HTR2C: variants seen among roughly 807,000 people sequenced by gnomAD.
HTR2C encodes 5-hydroxytryptamine (serotonin) receptor 2C, G protein-coupled.
A neutral mutation model predicts 21.0 loss-of-function variants in HTR2C; 5 were observed. That is an observed-to-expected ratio of 0.24 (90% CI 0.12 to 0.50). The LOEUF is 0.50. Among genes scored for constraint, HTR2C ranks in the 20% least tolerant of loss-of-function variants. The probability of loss-of-function intolerance (pLI) is 0.98; values close to 1 mark genes in which losing one functional copy is unlikely to be tolerated. For missense variants in HTR2C, 271 were observed against 371.2 expected, an observed-to-expected ratio of 0.73 and a Z score of 2.22; for synonymous variants, 150 against 145.3, an observed-to-expected ratio of 1.03 and a Z score of -0.23.
At position 114,807,140 on chromosome X, in the gene HTR2C, T is replaced by TAC. The variant is rs797035926; in HGVS notation, c.350-40862_350-40861dup. On this transcript the variant is annotated intron_variant, in intron 4 of 5. Transcript: ENST00000276198. ...ATATACCATATATACACCATATATA[T>TAC]ACCATATATACACCATATATATACC... 6.1e-3 allele frequency among the ~76,000 whole-genome samples: 56 copies of TAC among 9,141 alleles called. 18 individuals are homozygous for TAC. Among genetic ancestry groups the TAC allele is most frequent in the Admixed American group, 0.01 (6 of 596 alleles). The allele number at this position is 9,141 out of a possible 115,157, so 7.9% of individuals were successfully genotyped here. A position where few individuals can be genotyped will look rare whatever the true frequency, so the allele number is the denominator to read the frequency against.
intron 4 of HTR2C, among the ~76,000 whole-genome samples, chrX:114,777,524 C>G (rs1473544533): frequency 1.8e-5 from 2 of 111,885 alleles, no homozygotes; most frequent in Admixed American, 9.5e-5. Context: ...TCAACATCAG[C>G]TTTGAATAAC....
rs191572657 is a variant in HTR2C at position 114,866,357 on chromosome X, G to T, written c.550+18154G>T. ...TTTAGCTGTAATATTTGCTTCTAAG[G>T]TTTAATTATATATATATATATTTAA... is the stretch of plus-strand genomic sequence containing the variant. On this transcript the variant is annotated intron_variant, in intron 5 of 5. Coordinates refer to ENST00000276198, the MANE Select transcript of HTR2C (RefSeq NM_000868.4). Among the ~76,000 whole-genome samples, 793 of 108,311 alleles carry T rather than the reference G, an allele frequency of 7.3e-3. 6 individuals are homozygous for T. The highest frequency in any genetic ancestry group is 0.012 in the Non-Finnish European group (607 of 52,336). 94.1% of individuals were successfully genotyped at this position (108,311 alleles called of 115,157 possible). A position where few individuals can be genotyped will look rare whatever the true frequency, so the allele number is the denominator to read the frequency against.
intron 4 of HTR2C, among the ~76,000 whole-genome samples, chrX:114,791,600 T>A (rs1030127777): frequency 1.8e-5 from 2 of 111,565 alleles, no homozygotes; most frequent in Non-Finnish European, 1.9e-5. Flanking sequence ...AGCCAAATTT[T>A]CTTCAATATT....
chrX:114,850,575 G>A (rs1016692034), intron 5 of HTR2C, among the ~76,000 whole-genome samples: 41 of 111,488 alleles, frequency 3.7e-4, no homozygotes, highest in African/African-American at 4.9e-4. Context: ...GTTGAGGCAG[G>A]AGCATCACTT....
At chrX:114,787,389 G>A (rs188539858) in intron 4 of HTR2C, among the ~76,000 whole-genome samples, 2 of 111,724 alleles carry the variant, frequency 1.8e-5, no homozygotes, top group Non-Finnish European at 3.8e-5. Flanking sequence ...GAACACAGAG[G>A]AGTATGAAAA....
At chrX:114,847,323 A>C (rs1028345817) in intron 4 of HTR2C, among the ~76,000 whole-genome samples, 4 of 104,029 alleles carry the variant, frequency 3.8e-5, no homozygotes, top group Non-Finnish European at 7.9e-5. Context: ...CATTCTCAGT[A>C]AACTATCGCA....
At chrX:114,692,470 T>C (rs1932134770) in intron 2 of HTR2C, among the ~76,000 whole-genome samples, 1 of 111,725 alleles carries the variant, frequency 9.0e-6, no homozygotes, top group African/African-American at 3.2e-5. Flanking sequence ...ATTAGAAGAT[T>C]TAAGTATTCA....
chrX:114,630,807 A>G (rs1046332778), intron 2 of HTR2C: 1 of 369,211 alleles, frequency 2.7e-6, no homozygotes, highest in Non-Finnish European at 5.3e-6. Flanking sequence ...CAGCACTGCC[A>G]AGTGACCCAT....
intron 5 of HTR2C, among the ~76,000 whole-genome samples, chrX:114,858,975 T>C (rs1361998523): frequency 9.0e-6 from 1 of 111,382 alleles, no homozygotes; most frequent in Non-Finnish European, 1.9e-5. Context: ...GTAAATTGTA[T>C]ACATTTTTGA....
chrX:114,630,351 A>G (rs782618098), intron 2 of HTR2C, among the ~76,000 whole-genome samples: 1 of 112,188 alleles, frequency 8.9e-6, no homozygotes, highest in South Asian at 3.7e-4. Context: ...ACAAATGGTA[A>G]TTTGAAAAAA....
chrX:114,773,015 G>A (rs1186255048), intron 4 of HTR2C, among the ~76,000 whole-genome samples: 1 of 111,790 alleles, frequency 8.9e-6, no homozygotes, highest in Non-Finnish European at 1.9e-5. Flanking sequence ...TGTGAAATGA[G>A]AGGACTGGGT....
At position 114,848,131 on chromosome X, in the gene HTR2C, A is replaced by G. The variant is rs781938388; in HGVS notation, c.478A>G (p.Ile160Val). Residue 160 changes from isoleucine (I) to valine (V), a missense_variant, in exon 5 of 6, where the codon ATT becomes GTT. Physicochemically the swap from Ile to Val is conservative, Grantham distance 29. Coordinates refer to ENST00000276198, the MANE Select transcript of HTR2C (RefSeq NM_000868.4). The part of the protein sequence containing the change: ...LDRYVAIRNP[I>V]EHSRFNSRTK... Reference sequence around the variant, plus strand: ...TCGGTATGTAGCAATACGTAATCCTATTGAGCATAGCCGTTTCAATTCGCG... The same window carrying G: ...TCGGTATGTAGCAATACGTAATCCTGTTGAGCATAGCCGTTTCAATTCGCG... 2.5e-6 allele frequency: 3 copies of G among 1,209,837 alleles called. No individual in the cohort carries two copies. Among genetic ancestry groups the G allele is most frequent in the South Asian group, 3.5e-5 (2 of 56,894 alleles).
chrX:114,638,231 G>T (rs148329315), intron 2 of HTR2C, among the ~76,000 whole-genome samples: 176 of 111,782 alleles, frequency 1.6e-3, no homozygotes, highest in African/African-American at 5.5e-3. Context: ...CAAATTGAGA[G>T]CGAGCAACAA....
At position 114,603,599 on chromosome X, in the gene HTR2C, C is replaced by A. The variant is rs781876735; in HGVS notation, c.-146-10216C>A. Among the ~76,000 whole-genome samples the A allele has an allele frequency of 2.2e-5, 2 of 91,761 alleles. 1 individual carries two copies. Among genetic ancestry groups the A allele is most frequent in the South Asian group, 1.2e-3 (2 of 1,642 alleles). 79.7% of individuals were successfully genotyped at this position (91,761 alleles called of 115,157 possible). ...CACGTGTGTTTTTATGAGAATTATG[C>A]CGAGATAGGTAACAGATGAGGAAGA... is the stretch of plus-strand genomic sequence containing the variant. On this transcript the variant is annotated intron_variant, in intron 1 of 5. Transcript: ENST00000276198.
intron 2 of HTR2C, among the ~76,000 whole-genome samples, chrX:114,671,829 G>A (rs1931388409): frequency 8.9e-6 from 1 of 111,747 alleles, no homozygotes; most frequent in Admixed American, 9.5e-5. Context: ...TCATTGGAAA[G>A]TAAAATTAAA....
intron 4 of HTR2C, among the ~76,000 whole-genome samples, chrX:114,781,222 C>T (rs1390082361): frequency 9.0e-6 from 1 of 111,279 alleles, no homozygotes; most frequent in Non-Finnish European, 1.9e-5. Context: ...TTCAGTGGCT[C>T]ATACTTGTAT....
intron 2 of HTR2C, among the ~76,000 whole-genome samples, chrX:114,614,874 G>T (rs1358634681): frequency 5.4e-5 from 6 of 111,422 alleles, no homozygotes; most frequent in African/African-American, 2.0e-4. Flanking sequence ...CCTTATTTTC[G>T]ACTCCAGACT....
At chrX:114,775,050 C>G (rs1194645912) in intron 4 of HTR2C, 5 of 483,470 alleles carry the variant, frequency 1.0e-5, no homozygotes, top group African/African-American at 2.4e-5. Flanking sequence ...CTTCATTAAA[C>G]TTGTCCAGAA....
At chrX:114,732,482 C>T (rs2069546405) in intron 4 of HTR2C, among the ~76,000 whole-genome samples, 1 of 110,573 alleles carries the variant, frequency 9.0e-6, no homozygotes, top group Admixed American at 9.8e-5. Flanking sequence ...GAAAGTGTAT[C>T]TAGTTGTCGA....
Sources: gnomAD v4.1 joint callset for allele counts (sites outside exome capture counted in the v4.1 genomes callset) on GRCh38, gnomAD v4.1.1 for gene constraint, MANE v1.5 for transcripts, NCBI Gene and HGNC (gene_info 2026-07-23, HGNC 2026-07-21) for gene names.